Variants in SLC8A1 observed in about 807,000 individuals in gnomAD.
The protein encoded by SLC8A1 is solute carrier family 8 member A1, also known as sodium/calcium exchanger 1.
In SLC8A1, 18 loss-of-function variants were observed where a neutral mutation model predicts 68.3. That is an observed-to-expected ratio of 0.26 (90% CI 0.18 to 0.39). The LOEUF (loss-of-function observed/expected upper bound fraction) is 0.39, where lower values mean the gene tolerates loss of function less well. Among genes scored for constraint, SLC8A1 ranks in the 10% least tolerant of loss-of-function variants. SLC8A1 has a pLI of 1.00. For synonymous variants in SLC8A1, 475 were observed against 415.5 expected (o/e 1.14, Z -1.74); for missense variants, 985 against 1,156.7 (o/e 0.85, Z 2.15).
Position 40,115,887 on chromosome 2 carries a change from G to A in SLC8A1, c.2438-258C>T, listed in dbSNP as rs1276718084. Among the ~76,000 whole-genome samples, 10 of 152,224 alleles carry A rather than the reference G, an allele frequency of 6.6e-5. No individual in the cohort carries two copies. The East Asian group carries it at 1.9e-3, about 29-fold the overall frequency. ...GTCAAGTTTTGTATCCACAGATACTGCAGTTCTTTGTAATATTGACCTTGC... is the reference window on the plus strand; with the variant it reads ...GTCAAGTTTTGTATCCACAGATACTACAGTTCTTTGTAATATTGACCTTGC... On this transcript the variant is annotated intron_variant, in intron 7 of 7. Transcript: ENST00000406785.
At chr2:40,442,814 T>C (rs998107774) in intron 1 of SLC8A1, among the ~76,000 whole-genome samples, 1 of 152,104 alleles carries the variant, frequency 6.6e-6, no homozygotes. Flanking sequence ...CATACGTGTA[T>C]TGCAGCAATA....
At chr2:40,118,616 T>TTTTG (rs1553336912) in intron 7 of SLC8A1, 3 of 143,300 alleles carry the variant, frequency 2.1e-5, no homozygotes, top group Non-Finnish European at 4.6e-5. Flanking sequence ...AGTTTTTTTT[T>TTTTG]TTTTTTTTTT....
chr2:40,124,583 A>G (rs1372641540), intron 7 of SLC8A1, among the ~76,000 whole-genome samples: 1 of 152,186 alleles, frequency 6.6e-6, no homozygotes, highest in Non-Finnish European at 1.5e-5. Flanking sequence ...CAGATTAGTC[A>G]TAGGATACAA....
chr2:40,210,369 G>A (rs1182708710), intron 2 of SLC8A1, among the ~76,000 whole-genome samples: 1 of 152,106 alleles, frequency 6.6e-6, no homozygotes, highest in Non-Finnish European at 1.5e-5. Flanking sequence ...TTGGGCTCAA[G>A]GTCTTAATCT....
chr2:40,150,907 T>A (rs1193025186), intron 6 of SLC8A1, among the ~76,000 whole-genome samples: 3 of 152,164 alleles, frequency 2.0e-5, no homozygotes, highest in Non-Finnish European at 4.4e-5. Flanking sequence ...CTGCTGCATT[T>A]TTAGATCGAC....
intron 2 of SLC8A1, among the ~76,000 whole-genome samples, chr2:40,281,537 C>G (rs2067522050): frequency 6.6e-6 from 1 of 152,184 alleles, no homozygotes; most frequent in Non-Finnish European, 1.5e-5. Flanking sequence ...TGAGTCCCAA[C>G]TTGCACTCGT....
chr2:40,504,678 G>T (rs1706256801), intron 1 of SLC8A1, among the ~76,000 whole-genome samples: 1 of 151,946 alleles, frequency 6.6e-6, no homozygotes, highest in African/African-American at 2.4e-5. Flanking sequence ...CTCAAAAGAA[G>T]ACATACAAAT....
chr2:40,508,369 TA>T (rs1161729679), intron 1 of SLC8A1, among the ~76,000 whole-genome samples: 2 of 151,086 alleles, frequency 1.3e-5, no homozygotes, highest in East Asian at 3.9e-4. Flanking sequence ...AAAAAAAATC[TA>T]AAAAAAAGAT....
chr2:40,313,654 C>T (rs374503924), intron 2 of SLC8A1, among the ~76,000 whole-genome samples: 4 of 151,902 alleles, frequency 2.6e-5, no homozygotes, highest in East Asian at 1.9e-4. Context: ...CCTCCCACCT[C>T]GGCCTCCCAA....
At chr2:40,498,872 C>T (rs555569867) in intron 1 of SLC8A1, among the ~76,000 whole-genome samples, 17 of 152,144 alleles carry the variant, frequency 1.1e-4, no homozygotes, top group African/African-American at 3.9e-4. Flanking sequence ...AGATCCTGCA[C>T]CTGAGCTCTC....
chr2:40,112,790 TCAC>T (rs2034714779), exon 8 of SLC8A1: 1 of 152,418 alleles, frequency 6.6e-6, no homozygotes, highest in Non-Finnish European at 1.5e-5. Context: ...GTGATCTGGA[TCAC>T]CAACATGATT....
At chr2:40,185,621 G>A (rs930691026) in intron 2 of SLC8A1, among the ~76,000 whole-genome samples, 3 of 152,122 alleles carry the variant, frequency 2.0e-5, no homozygotes, top group Non-Finnish European at 4.4e-5. Context: ...GGTGGAGGGA[G>A]TTGGTGACTG....
chr2:40,164,769 T>C, intron 5 of SLC8A1, 85 bp downstream of exon 8: 1 of 1,526,292 alleles, frequency 6.6e-7, no homozygotes, highest in Non-Finnish European at 8.9e-7. Flanking sequence ...TCTTTCCAGG[T>C]GGATCTTAAG....
intron 2 of SLC8A1, among the ~76,000 whole-genome samples, chr2:40,227,973 G>C (rs562897839): frequency 5.9e-4 from 90 of 152,270 alleles, no homozygotes; most frequent in African/African-American, 2.1e-3. Context: ...GTAAAATTCA[G>C]ATCATGCTGA....
At chr2:40,418,725 T>C (rs373634879) in intron 2 of SLC8A1, among the ~76,000 whole-genome samples, 52 of 152,324 alleles carry the variant, frequency 3.4e-4, no homozygotes, top group African/African-American at 1.2e-3. Context: ...CTGAGTTCAT[T>C]ATTGCCATGA....
intron 7 of SLC8A1, among the ~76,000 whole-genome samples, chr2:40,129,229 G>A (rs1001882150): frequency 2.9e-5 from 4 of 139,526 alleles, no homozygotes; most frequent in African/African-American, 1.2e-4. Context: ...TCCTTGAGAT[G>A]TTTCATTTTT....
intron 2 of SLC8A1, among the ~76,000 whole-genome samples, chr2:40,284,385 T>A (rs576071749): frequency 1.4e-5 from 2 of 147,256 alleles, no homozygotes; most frequent in East Asian, 3.9e-4. Context: ...GTATGATATA[T>A]GATATATACA....
intron 2 of SLC8A1, among the ~76,000 whole-genome samples, chr2:40,248,509 A>G (rs1048097135): frequency 6.6e-6 from 1 of 152,226 alleles, no homozygotes; most frequent in Non-Finnish European, 1.5e-5. Context: ...TGACTCTGCC[A>G]GAGCCTAGAC....
intron 1 of SLC8A1, among the ~76,000 whole-genome samples, chr2:40,432,401 T>TTGTGTGTGTGTTTGTG (rs1553607884): frequency 1.6e-5 from 2 of 128,736 alleles, no homozygotes; most frequent in Non-Finnish European, 3.2e-5. Context: ...GAGTGTGAGA[T>TTGTGTGTGTGTTTGTG]TGTGTGTGTG....
Sources: gnomAD v4.1 joint callset for allele counts (sites outside exome capture counted in the v4.1 genomes callset) on GRCh38, gnomAD v4.1.1 for gene constraint, MANE v1.5 for transcripts, NCBI Gene and HGNC (gene_info 2026-07-23, HGNC 2026-07-21) for gene names.